Variants in NEK10 observed in about 807,000 individuals in gnomAD.
NEK10 encodes serine/threonine-protein kinase Nek10.
NEK10 carries 122 observed loss-of-function variants against 159.8 expected under a neutral mutation model. The observed-to-expected ratio is 0.76, with a 90% CI of 0.66 to 0.89. NEK10 has a LOEUF of 0.89. Ranked by LOEUF, NEK10 falls within the 40% of genes least tolerant of loss-of-function variation. The pLI is 0.00. For synonymous variants in NEK10, 466 were observed against 457.1 expected, an observed-to-expected ratio of 1.02 and a Z score of -0.25; for missense variants, 1,342 against 1,323.1, an observed-to-expected ratio of 1.01 and a Z score of -0.22.
At chr3:27,129,126 C>T (rs535259378) in intron 32 of NEK10, among the ~76,000 whole-genome samples, 4 of 152,180 alleles carry the variant, frequency 2.6e-5, no homozygotes, top group Non-Finnish European at 5.9e-5. Flanking sequence ...TACTTGGTTG[C>T]TTTACTCCCC....
chr3:27,264,373 C>T (rs145358183), intron 22 of NEK10, among the ~76,000 whole-genome samples: 1 of 152,144 alleles, frequency 6.6e-6, no homozygotes, highest in African/African-American at 2.4e-5. Flanking sequence ...CTCATGAACA[C>T]AGACACAAAA....
intron 26 of NEK10, among the ~76,000 whole-genome samples, chr3:27,180,854 C>T (rs1575131495): frequency 6.6e-6 from 1 of 152,100 alleles, no homozygotes; most frequent in East Asian, 1.9e-4. Context: ...TATTCCTACT[C>T]AGCGGCCACC....
chr3:27,135,611 T>C (rs1045707806), intron 31 of NEK10, among the ~76,000 whole-genome samples: 2 of 152,250 alleles, frequency 1.3e-5, no homozygotes, highest in Non-Finnish European at 2.9e-5. Flanking sequence ...GACTATCCAT[T>C]GTTCACAGGA....
At chr3:27,154,544 C>T (rs1945215892) in intron 30 of NEK10, among the ~76,000 whole-genome samples, 1 of 152,058 alleles carries the variant, frequency 6.6e-6, no homozygotes. Context: ...TGGTAAAATC[C>T]TTAACAAAAT....
At chr3:27,258,634 T>G (rs957478428) in intron 22 of NEK10, among the ~76,000 whole-genome samples, 21 of 152,176 alleles carry the variant, frequency 1.4e-4, no homozygotes, top group African/African-American at 5.1e-4. Flanking sequence ...GACATTTGGG[T>G]TGGTTCCAAG....
At chr3:27,364,348 TTGTG>T (rs4016621) in intron 1 of NEK10, among the ~76,000 whole-genome samples, 3,905 of 120,430 alleles carry the variant, frequency 0.032, 84 homozygotes, top group South Asian at 0.041. Flanking sequence ...GCCTGGCTAA[TTGTG>T]TGTGTGTGTG....
intron 8 of NEK10, chr3:27,311,716 C>A: frequency 4.6e-6 from 1 of 217,066 alleles, no homozygotes; most frequent in South Asian, 6.8e-5. Context: ...TGTTATTTTT[C>A]TTTTTCATGC....
At chr3:27,198,213 T>C (rs1168515546) in intron 25 of NEK10, among the ~76,000 whole-genome samples, 1 of 151,996 alleles carries the variant, frequency 6.6e-6, no homozygotes, top group African/African-American at 2.4e-5. Context: ...CCAAAGCAAC[T>C]TGTAGATTCA....
chr3:27,174,371 C>T (rs1444741551), intron 28 of NEK10, 68 bp downstream of exon 28: 5 of 1,601,564 alleles, frequency 3.1e-6, no homozygotes, highest in Non-Finnish European at 4.2e-6. Flanking sequence ...TTGCTTGACT[C>T]AAGTATGATT....
chr3:27,149,596 G>GAGTGAGTTC (rs1189675535), intron 30 of NEK10, among the ~76,000 whole-genome samples: 8 of 152,088 alleles, frequency 5.3e-5, no homozygotes, highest in Non-Finnish European at 7.4e-5. Context: ...ACTCATATAA[G>GAGTGAGTTC]ATAGTAAACT....
At chr3:27,214,298 A>T (rs1951283362) in intron 23 of NEK10, among the ~76,000 whole-genome samples, 1 of 152,230 alleles carries the variant, frequency 6.6e-6, no homozygotes, top group South Asian at 2.1e-4. Context: ...CTCCTGAGGC[A>T]GTGTGACGGG....
intron 22 of NEK10, among the ~76,000 whole-genome samples, chr3:27,257,349 A>G (rs1956308585): frequency 6.6e-6 from 1 of 152,246 alleles, no homozygotes; most frequent in Non-Finnish European, 1.5e-5. Context: ...ATGCAGAACC[A>G]GTGCAAGAAT....
chr3:27,166,402 T>C (rs1376021862), intron 29 of NEK10, among the ~76,000 whole-genome samples: 1 of 152,124 alleles, frequency 6.6e-6, no homozygotes, highest in Non-Finnish European at 1.5e-5. Context: ...TGTTTGTTTG[T>C]TTGTTTTAAG....
At chr3:27,119,502 G>C (rs533430478) in intron 33 of NEK10, among the ~76,000 whole-genome samples, 1 of 152,038 alleles carries the variant, frequency 6.6e-6, no homozygotes, top group Admixed American at 6.6e-5. Context: ...AGAAATAAAA[G>C]GAAATACAAC....
Position 27,329,091 on chromosome 3 carries a change from T to C in NEK10, c.363-6830A>G, listed in dbSNP as rs1443066663. ...TTTAATCATGGGGGCAGGTCTTTCC[T>C]GTGCTGTTCTTGTGATAGTGAATGA... On this transcript the variant is annotated intron_variant, in intron 5 of 35. Transcript: ENST00000691995. Among the ~76,000 whole-genome samples the C allele has an allele frequency of 3.3e-5, 5 of 152,148 alleles. No homozygotes were observed. In the East Asian group the frequency reaches 9.6e-4, roughly 29 times the overall value.
At chr3:27,173,296 C>G (rs1947184909) in intron 28 of NEK10, among the ~76,000 whole-genome samples, 1 of 152,204 alleles carries the variant, frequency 6.6e-6, no homozygotes, top group African/African-American at 2.4e-5. Context: ...TCAAGCATCT[C>G]TTTCCTACCT....
chr3:27,153,086 C>T (rs947527915), intron 30 of NEK10, among the ~76,000 whole-genome samples: 2 of 152,004 alleles, frequency 1.3e-5, no homozygotes, highest in African/African-American at 4.8e-5. Flanking sequence ...CTTTGGGAGG[C>T]CAAGTGGGCA....
chr3:27,231,061 A>G (rs747543964), intron 23 of NEK10, among the ~76,000 whole-genome samples: 1 of 152,022 alleles, frequency 6.6e-6, no homozygotes, highest in Non-Finnish European at 1.5e-5. Context: ...CAGAATATAC[A>G]TTCTTCTCTT....
chr3:27,216,220 A>G, intron 23 of NEK10: 1 of 251,142 alleles, frequency 4.0e-6, no homozygotes, highest in Non-Finnish European at 7.5e-6. Context: ...CCTGCCCAAG[A>G]GAAGGGTCCT....
Sources: gnomAD v4.1 joint callset for allele counts (sites outside exome capture counted in the v4.1 genomes callset) on GRCh38, gnomAD v4.1.1 for gene constraint, MANE v1.5 for transcripts, NCBI Gene and HGNC (gene_info 2026-07-23, HGNC 2026-07-21) for gene names.